Variants in CORO2B observed in about 807,000 individuals in gnomAD.
CORO2B encodes the protein coronin 2B.
A neutral mutation model predicts 58.8 loss-of-function variants in CORO2B; 26 were observed. That is an observed-to-expected ratio of 0.44 (90% CI 0.32 to 0.61). The LOEUF (loss-of-function observed/expected upper bound fraction) is 0.61. CORO2B is among the 20% of genes least tolerant of loss of function. The pLI is 0.04. For synonymous variants in CORO2B, 242 were observed against 253.8 expected (o/e 0.95, Z 0.44); for missense variants, 460 against 645.1 (o/e 0.71, Z 3.11).
chr15:68,526,778 AAT>A, the CORO2B span, among the ~76,000 whole-genome samples: 1 of 152,212 alleles, frequency 6.6e-6, no homozygotes, highest in African/African-American at 2.4e-5. Flanking sequence ...ACTTTATTAA[AAT>A]ATAGTGTCTT....
intron 1 of CORO2B, among the ~76,000 whole-genome samples, chr15:68,597,894 G>C (rs1182958551): frequency 6.6e-6 from 1 of 152,210 alleles, no homozygotes; most frequent in Non-Finnish European, 1.5e-5. Flanking sequence ...GAGCTGACCA[G>C]GGGGATCCAG....
intron 11 of CORO2B, among the ~76,000 whole-genome samples, chr15:68,721,637 C>G (rs1893163074): frequency 6.6e-6 from 1 of 152,142 alleles, no homozygotes; most frequent in African/African-American, 2.4e-5. Flanking sequence ...ACCCAGGAGG[C>G]AGAGACTAAA....
chr15:68,534,619 C>T, the CORO2B span, among the ~76,000 whole-genome samples: 5 of 152,210 alleles, frequency 3.3e-5, no homozygotes, highest in African/African-American at 9.6e-5. Context: ...TTTGAAAACA[C>T]GCTGAAGGGT....
chr15:68,670,622 C>G (rs1186288541), intron 2 of CORO2B, among the ~76,000 whole-genome samples: 6 of 152,124 alleles, frequency 3.9e-5, no homozygotes, highest in Admixed American at 2.6e-4. Flanking sequence ...AAGATAAACA[C>G]CAATACACCA....
At chr15:68,565,443 A>G in the CORO2B span, among the ~76,000 whole-genome samples, 1 of 151,514 alleles carries the variant, frequency 6.6e-6, no homozygotes, top group Non-Finnish European at 1.5e-5. Flanking sequence ...ACTCTGACTC[A>G]TTTCTGCTCC....
chr15:68,570,804 T>G, the CORO2B span, among the ~76,000 whole-genome samples: 2 of 141,014 alleles, frequency 1.4e-5, no homozygotes, highest in African/African-American at 5.2e-5. Context: ...ACGTAGTTTT[T>G]TTTTTTTTTT....
chr15:68,622,880 T>G (rs1900567497), intron 1 of CORO2B, among the ~76,000 whole-genome samples: 1 of 152,214 alleles, frequency 6.6e-6, no homozygotes, highest in Admixed American at 6.5e-5. Context: ...AGGCTGGTGG[T>G]GGTGATGGTG....
At chr15:68,600,123 G>C (rs539020047) in intron 1 of CORO2B, among the ~76,000 whole-genome samples, 1 of 152,342 alleles carries the variant, frequency 6.6e-6, no homozygotes, top group East Asian at 1.9e-4. Flanking sequence ...TGATCCCACA[G>C]CCTTATTGTT....
At chr15:68,705,096 C>A (rs1424399635) in intron 3 of CORO2B, among the ~76,000 whole-genome samples, 6 of 152,142 alleles carry the variant, frequency 3.9e-5, no homozygotes, top group Non-Finnish European at 2.9e-5. Flanking sequence ...TTGCTATAGC[C>A]ATGGGTCAAG....
intron 2 of CORO2B, among the ~76,000 whole-genome samples, chr15:68,647,870 A>AG (rs1043525047): frequency 1.3e-5 from 2 of 149,446 alleles, no homozygotes; most frequent in Non-Finnish European, 1.5e-5. Flanking sequence ...AAAAAAAAAA[A>AG]AGAAAAAAAT....
At chr15:68,559,588 G>C in the CORO2B span, 4 of 985,220 alleles carry the variant, frequency 4.1e-6, no homozygotes, top group Non-Finnish European at 4.8e-6. This position sits in a 1 kb window ranked among gnomAD's most constrained non-coding sequence, Gnocchi z 4.3. Context: ...ACCAGACGGG[G>C]AGCAGACGGA....
chr15:68,708,610 C>T (rs1892839739), intron 3 of CORO2B, among the ~76,000 whole-genome samples: 1 of 151,944 alleles, frequency 6.6e-6, no homozygotes, highest in Non-Finnish European at 1.5e-5. Flanking sequence ...GATCCGCCCA[C>T]CTCGGCCTCC....
intron 2 of CORO2B, among the ~76,000 whole-genome samples, chr15:68,672,159 G>GGTGTGTGTGTGTGT (rs60989044): frequency 0.4 from 57,731 of 145,952 alleles, 12,023 homozygotes; most frequent in Admixed American, 0.48. Context: ...GTAATCGGGA[G>GGTGTGTGTGTGTGT]GTGTGTGTGT....
chr15:68,702,870 A>G (rs1351682541), intron 3 of CORO2B, among the ~76,000 whole-genome samples: 1 of 118,128 alleles, frequency 8.5e-6, no homozygotes, highest in African/African-American at 3.4e-5. Flanking sequence ...TTTGGCACCC[A>G]GGCTGGAGTG....
At chr15:68,685,298 C>G (rs988567765) in intron 2 of CORO2B, among the ~76,000 whole-genome samples, 2 of 152,180 alleles carry the variant, frequency 1.3e-5, no homozygotes, top group African/African-American at 4.8e-5. Flanking sequence ...TCAACCTCCT[C>G]CTCCTGGGTT....
chr15:68,605,756 T>C (rs1187711516), intron 1 of CORO2B, among the ~76,000 whole-genome samples: 1 of 134,554 alleles, frequency 7.4e-6, no homozygotes, highest in East Asian at 2.5e-4. Flanking sequence ...GGAGTCTCGC[T>C]GTGTCGCCCA....
intron 1 of CORO2B, among the ~76,000 whole-genome samples, chr15:68,640,738 C>T (rs8023980): frequency 0.16 from 25,007 of 152,114 alleles, 3,385 homozygotes; most frequent in African/African-American, 0.38. Flanking sequence ...AGGAAATTGC[C>T]GTCCTTTGTA....
At chr15:68,696,875 C>A (rs772970244) in intron 3 of CORO2B, among the ~76,000 whole-genome samples, 3 of 152,224 alleles carry the variant, frequency 2.0e-5, no homozygotes, top group Non-Finnish European at 4.4e-5. Flanking sequence ...AGTCAGGCCA[C>A]AAGCATCTAC....
In CORO2B at chr15:68,716,805, G is replaced by A. The variant is rs114896214; in HGVS notation, c.967+1494G>A. Reference sequence around the variant, plus strand: ...TAGGAGCAGAAGGGAGGTCAGTGTGGCTGAGCGTGGTGTAGACTCTGTGAT... The same window carrying A: ...TAGGAGCAGAAGGGAGGTCAGTGTGACTGAGCGTGGTGTAGACTCTGTGAT... On this transcript the variant is annotated intron_variant, in intron 8 of 11. Coordinates refer to ENST00000261861, the MANE Select transcript of CORO2B (RefSeq NM_006091.5). Among the ~76,000 whole-genome samples the A allele has an allele frequency of 1.6e-3, 248 of 152,108 alleles. 2 individuals carry two copies. Among genetic ancestry groups the A allele is most frequent in the African/African-American group, 5.7e-3 (236 of 41,482 alleles).
Sources: allele counts gnomAD v4.1 joint callset (sites outside exome capture counted in the v4.1 genomes callset), GRCh38; gene constraint gnomAD v4.1.1; non-coding constraint Gnocchi (gnomAD v3.1); transcripts MANE v1.5; gene names NCBI Gene and HGNC (gene_info 2026-07-23, HGNC 2026-07-21).